MARCHF1: variants seen among roughly 807,000 people sequenced by gnomAD.
MARCHF1 encodes the protein E3 ubiquitin-protein ligase MARCHF1.
MARCHF1 carries 40 observed loss-of-function variants against 54.2 expected under a neutral mutation model. The ratio of observed to expected loss-of-function variants is 0.74; its 90% CI spans 0.57 to 0.96. The LOEUF (loss-of-function observed/expected upper bound fraction) is 0.96. Among genes scored for constraint, MARCHF1 ranks in the 40% least tolerant of loss-of-function variants. The pLI, the probability that MARCHF1 is intolerant of heterozygous loss-of-function variation, is 0.00. For synonymous variants in MARCHF1, 236 were observed against 236.3 expected, an observed-to-expected ratio of 1.00 and a Z score of 0.01; for missense variants, 586 against 656.5, an observed-to-expected ratio of 0.89 and a Z score of 1.17.
chr4:164,182,883 A>T (rs1730871519), intron 1 of MARCHF1, among the ~76,000 whole-genome samples: 1 of 151,926 alleles, frequency 6.6e-6, no homozygotes, highest in African/African-American at 2.4e-5. Context: ...TAGACATAAG[A>T]CTTCTTATTT....
At chr4:163,535,753 C>CTTTTTTTTTTTT (rs34118311) in intron 9 of MARCHF1, among the ~76,000 whole-genome samples, 2 of 144,158 alleles carry the variant, frequency 1.4e-5, no homozygotes. Flanking sequence ...TATAGAAGGG[C>CTTTTTTTTTTTT]TTTTTTTTTT....
intron 4 of MARCHF1, chr4:163,829,210 T>C (rs938919826): frequency 3.9e-5 from 6 of 152,200 alleles, no homozygotes; most frequent in Non-Finnish European, 8.8e-5. Context: ...TCAGTGTTTA[T>C]ATGCCGTGGA....
At chr4:164,074,266 G>A (rs573882079) in intron 2 of MARCHF1, among the ~76,000 whole-genome samples, 13 of 152,262 alleles carry the variant, frequency 8.5e-5, no homozygotes, top group African/African-American at 3.1e-4. Context: ...GAGTCTGACT[G>A]TCTTTGAGTC....
chr4:164,096,482 G>C (rs1755415144), intron 2 of MARCHF1, among the ~76,000 whole-genome samples: 1 of 151,838 alleles, frequency 6.6e-6, no homozygotes, highest in Admixed American at 6.6e-5. Context: ...TCATTATCTG[G>C]GTGATGGAAT....
chr4:164,259,860 A>G (rs1168087017), intron 1 of MARCHF1, among the ~76,000 whole-genome samples: 1 of 152,170 alleles, frequency 6.6e-6, no homozygotes, highest in East Asian at 1.9e-4. Context: ...GTCTTTCTGC[A>G]ATTTGCATAT....
intron 5 of MARCHF1, among the ~76,000 whole-genome samples, chr4:163,696,869 T>C (rs1330994272): frequency 6.6e-6 from 1 of 152,200 alleles, no homozygotes; most frequent in Non-Finnish European, 1.5e-5. Flanking sequence ...AGCTTCTGTC[T>C]ATACTTCTTT....
At chr4:164,360,600 C>A (rs1309907851) in intron 1 of MARCHF1, among the ~76,000 whole-genome samples, 1 of 152,066 alleles carries the variant, frequency 6.6e-6, no homozygotes, top group African/African-American at 2.4e-5. Flanking sequence ...GTCGATTTTT[C>A]AGCCCCACCC....
At chr4:163,800,014 C>G (rs1483176852) in intron 4 of MARCHF1, among the ~76,000 whole-genome samples, 4 of 152,086 alleles carry the variant, frequency 2.6e-5, no homozygotes, top group Non-Finnish European at 5.9e-5. Flanking sequence ...GGCCATTATG[C>G]TAAGTGAATT....
chr4:164,313,366 A>T (rs1053013568), intron 1 of MARCHF1, among the ~76,000 whole-genome samples: 1 of 151,300 alleles, frequency 6.6e-6, no homozygotes, highest in African/African-American at 2.4e-5. Flanking sequence ...AAAAAAAAAA[A>T]AGTGTAGATT....
Position 164,072,268 on chromosome 4 carries a change from G to T in MARCHF1, c.-248+39320C>A, listed in dbSNP as rs528510963. Among the ~76,000 whole-genome samples the T allele has an allele frequency of 5.6e-4, 86 of 152,274 alleles. 2 individuals carry two copies. In the South Asian group the frequency reaches 0.017, roughly 31 times the overall value. The stretch of plus-strand genomic sequence containing the variant: ...GTCATTTATTCATGTTTTCTCATCA[G>T]TGTTGTTTAGTACATAATGTCTTCT... On this transcript the variant is annotated intron_variant, in intron 2 of 9. Coordinates refer to ENST00000514618, the MANE Select transcript of MARCHF1 (RefSeq NM_001394959.1).
Position 164,206,480 on chromosome 4 carries a change from T to G in MARCHF1, c.-322-94818A>C, listed in dbSNP as rs560753494. ...TTATTTCATAATACACAAACCAAAC[T>G]AAAGCTTTTTACTATTTTTTAATTT... On this transcript the variant is annotated intron_variant, in intron 1 of 9. Transcript: ENST00000514618. 2.6e-5 allele frequency among the ~76,000 whole-genome samples: 4 copies of G among 152,216 alleles called. 1 individual carries two copies. Among genetic ancestry groups the G allele is most frequent in the African/African-American group, 9.6e-5 (4 of 41,546 alleles).
intron 3 of MARCHF1, among the ~76,000 whole-genome samples, chr4:163,938,820 G>A (rs1035932169): frequency 6.6e-6 from 1 of 152,088 alleles, no homozygotes; most frequent in African/African-American, 2.4e-5. Context: ...GAAGCAGGAA[G>A]CAGGGAACTC....
intron 4 of MARCHF1, among the ~76,000 whole-genome samples, chr4:163,818,738 G>C (rs78121193): frequency 6.6e-6 from 1 of 151,782 alleles, no homozygotes; most frequent in Admixed American, 6.6e-5. Context: ...TTGACCTCTC[G>C]TTTGTCTCTA....
At chr4:163,610,662 C>A (rs1258855456) in intron 7 of MARCHF1, among the ~76,000 whole-genome samples, 3 of 152,040 alleles carry the variant, frequency 2.0e-5, no homozygotes, top group Non-Finnish European at 2.9e-5. Context: ...AACTTTTCAG[C>A]AAACATACAT....
At chr4:164,132,121 A>C (rs1756313539) in intron 1 of MARCHF1, among the ~76,000 whole-genome samples, 1 of 152,150 alleles carries the variant, frequency 6.6e-6, no homozygotes, top group Non-Finnish European at 1.5e-5. Context: ...TTCACACTTC[A>C]AGAGAGACAA....
chr4:163,868,767 TAAA>T (rs146541576), intron 3 of MARCHF1, among the ~76,000 whole-genome samples: 6 of 151,232 alleles, frequency 4.0e-5, no homozygotes, highest in Admixed American at 2.0e-4. Context: ...ACTGGTGATT[TAAA>T]AAAAAATGTT....
chr4:163,717,546 CT>C (rs1745304122), intron 4 of MARCHF1, among the ~76,000 whole-genome samples: 1 of 151,952 alleles, frequency 6.6e-6, no homozygotes, highest in Admixed American at 6.6e-5. Flanking sequence ...GGTATTTCTA[CT>C]TCTAGATCCT....
intron 1 of MARCHF1, among the ~76,000 whole-genome samples, chr4:164,287,717 T>G (rs562651672): frequency 6.6e-6 from 1 of 152,178 alleles, no homozygotes. Flanking sequence ...TATCTTTGTC[T>G]TCATAAGAGA....
intron 4 of MARCHF1, among the ~76,000 whole-genome samples, chr4:163,714,885 T>C (rs1745212348): frequency 1.3e-5 from 2 of 152,180 alleles, no homozygotes; most frequent in African/African-American, 4.8e-5. Context: ...TTTTGCTGTG[T>C]TGCCCAGGCT....
Sources: gnomAD v4.1 joint callset for allele counts (sites outside exome capture counted in the v4.1 genomes callset) on GRCh38, gnomAD v4.1.1 for gene constraint, MANE v1.5 for transcripts, NCBI Gene and HGNC (gene_info 2026-07-23, HGNC 2026-07-21) for gene names.